Variants in DSCAM observed in about 807,000 individuals in gnomAD.
DSCAM encodes DS cell adhesion molecule, also known as cell adhesion molecule DSCAM.
A neutral mutation model predicts 217.7 loss-of-function variants in DSCAM; 47 were observed. The ratio of observed to expected loss-of-function variants is 0.22; its 90% CI spans 0.17 to 0.28. DSCAM has a LOEUF of 0.28. Among genes scored for constraint, DSCAM ranks in the 10% least tolerant of loss-of-function variants. DSCAM has a pLI of 1.00. For synonymous variants in DSCAM, 1,056 were observed against 1,015.3 expected (o/e 1.04, Z -0.76); for missense variants, 2,080 against 2,618.3 (o/e 0.79, Z 4.49).
intron 3 of DSCAM, among the ~76,000 whole-genome samples, chr21:40,403,239 C>T (rs1364644258): frequency 2.6e-5 from 4 of 151,668 alleles, no homozygotes; most frequent in Non-Finnish European, 5.9e-5. Flanking sequence ...AACTAGCATA[C>T]TTTAATGGAG....
At chr21:40,078,270 G>C (rs1328431028) in intron 26 of DSCAM, among the ~76,000 whole-genome samples, 1 of 152,144 alleles carries the variant, frequency 6.6e-6, no homozygotes, top group Non-Finnish European at 1.5e-5. Flanking sequence ...AATTGTTTTT[G>C]CACATGCAGT....
intron 1 of DSCAM, among the ~76,000 whole-genome samples, chr21:40,759,958 CATTT>C (rs56093065): frequency 0.2 from 27,066 of 135,340 alleles, 2,807 homozygotes; most frequent in Non-Finnish European, 0.23. Context: ...GATACGTTTA[CATTT>C]ATTTATTTAT....
At chr21:40,071,447 T>C (rs2089291775) in intron 27 of DSCAM, among the ~76,000 whole-genome samples, 1 of 152,202 alleles carries the variant, frequency 6.6e-6, no homozygotes, top group African/African-American at 2.4e-5. Context: ...TTATATTATA[T>C]TCATCTAACT....
chr21:40,660,405 T>C (rs1353534685), intron 3 of DSCAM, among the ~76,000 whole-genome samples: 4 of 152,178 alleles, frequency 2.6e-5, no homozygotes, highest in Admixed American at 2.0e-4. Flanking sequence ...TATAGAAATT[T>C]ATATTGTAAC....
intron 3 of DSCAM, among the ~76,000 whole-genome samples, chr21:40,470,701 G>C (rs2145967185): frequency 6.6e-6 from 1 of 152,198 alleles, no homozygotes; most frequent in African/African-American, 2.4e-5. Context: ...CTACAGGTTT[G>C]CACCACCATG....
At chr21:40,516,074 T>TGATTAAAG (rs1222238367) in intron 3 of DSCAM, among the ~76,000 whole-genome samples, 2 of 152,142 alleles carry the variant, frequency 1.3e-5, no homozygotes, top group East Asian at 3.9e-4. Flanking sequence ...CATTTCAGAC[T>TGATTAAAG]GATTAAAGGA....
At chr21:40,469,108 C>T (rs1337651209) in intron 3 of DSCAM, among the ~76,000 whole-genome samples, 3 of 152,156 alleles carry the variant, frequency 2.0e-5, no homozygotes, top group Non-Finnish European at 4.4e-5. Flanking sequence ...AGTGAACTTA[C>T]ACCCGAAGGT....
rs550199651 is a variant in DSCAM at position 40,231,231 on chromosome 21, T to C, written c.2357-41993A>G. Among the ~76,000 whole-genome samples, 7 of 151,736 alleles carry C rather than the reference T, an allele frequency of 4.6e-5. No individual in the cohort carries two copies. In the East Asian group the frequency reaches 1.4e-3, roughly 30 times the overall value. Reference sequence around the variant, plus strand: ...GTAAGGTTCCTAGAGAGAAAGTCTGTGAAAGTGTGAGGACGACCCCAAGAC... The same window carrying C: ...GTAAGGTTCCTAGAGAGAAAGTCTGCGAAAGTGTGAGGACGACCCCAAGAC... On this transcript the variant is annotated intron_variant, in intron 11 of 32. Transcript: ENST00000400454.
At chr21:40,023,319 C>T (rs1374745392) in intron 32 of DSCAM, among the ~76,000 whole-genome samples, 1 of 152,090 alleles carries the variant, frequency 6.6e-6, no homozygotes, top group Non-Finnish European at 1.5e-5. Flanking sequence ...AATAATGCCG[C>T]AATAAACATA....
At chr21:40,715,532 T>C (rs965607580) in intron 1 of DSCAM, among the ~76,000 whole-genome samples, 7 of 152,314 alleles carry the variant, frequency 4.6e-5, no homozygotes, top group African/African-American at 1.7e-4. Context: ...GTAAGTGTTT[T>C]ATAGTTTTCT....
At chr21:40,815,271 G>A (rs1262991430) in intron 1 of DSCAM, among the ~76,000 whole-genome samples, 1 of 151,942 alleles carries the variant, frequency 6.6e-6, no homozygotes, top group Non-Finnish European at 1.5e-5. Context: ...AGACTGCCAC[G>A]AGATAAGGCT....
chr21:40,645,064 C>A (rs1345992988), intron 3 of DSCAM, among the ~76,000 whole-genome samples: 4 of 152,148 alleles, frequency 2.6e-5, no homozygotes, highest in Non-Finnish European at 5.9e-5. Context: ...CCGGGGGCTG[C>A]CAATCTAGGA....
At chr21:40,530,537 C>T (rs910178512) in intron 3 of DSCAM, among the ~76,000 whole-genome samples, 3 of 152,152 alleles carry the variant, frequency 2.0e-5, no homozygotes, top group Non-Finnish European at 4.4e-5. Context: ...TATAGAAAGA[C>T]TCAAGTGCTT....
intron 26 of DSCAM, among the ~76,000 whole-genome samples, chr21:40,077,665 T>C (rs1024168810): frequency 1.1e-4 from 16 of 152,212 alleles, no homozygotes; most frequent in Admixed American, 2.0e-4. Context: ...AGTGACTTCA[T>C]TGAAAGGCAT....
At chr21:40,825,026 A>C (rs1426203513) in intron 1 of DSCAM, among the ~76,000 whole-genome samples, 1 of 152,202 alleles carries the variant, frequency 6.6e-6, no homozygotes, top group Non-Finnish European at 1.5e-5. Context: ...AGCTGTGAGC[A>C]TGTCCTATTG....
intron 1 of DSCAM, 57 bp from the exon 2 acceptor site, chr21:40,708,828 C>T: frequency 1.6e-6 from 2 of 1,238,740 alleles, no homozygotes; most frequent in Non-Finnish European, 2.1e-6. Context: ...TTGACATTTG[C>T]AGTTCAATGT....
intron 3 of DSCAM, among the ~76,000 whole-genome samples, chr21:40,610,853 T>A (rs2089304270): frequency 6.6e-6 from 1 of 152,126 alleles, no homozygotes; most frequent in African/African-American, 2.4e-5. Flanking sequence ...TCTCAGGGCT[T>A]TTGATATGTT....
At chr21:40,308,210 G>A (rs1293831380) in intron 9 of DSCAM, among the ~76,000 whole-genome samples, 4 of 152,152 alleles carry the variant, frequency 2.6e-5, no homozygotes, top group African/African-American at 9.7e-5. Context: ...TCTGGATTTT[G>A]TTGTCTTCCT....
intron 20 of DSCAM, among the ~76,000 whole-genome samples, chr21:40,098,813 T>C (rs1296966756): frequency 6.6e-6 from 1 of 152,210 alleles, no homozygotes; most frequent in Non-Finnish European, 1.5e-5. Flanking sequence ...ATTCCCTAGA[T>C]ACATCACTAT....
Sources: allele counts gnomAD v4.1 joint callset (sites outside exome capture counted in the v4.1 genomes callset), GRCh38; gene constraint gnomAD v4.1.1; transcripts MANE v1.5; gene names NCBI Gene and HGNC (gene_info 2026-07-23, HGNC 2026-07-21).